ERMP1: variants seen among roughly 807,000 people sequenced by gnomAD.
ERMP1 encodes the protein Felix-ina.
ERMP1 carries 86 observed loss-of-function variants against 92.0 expected under a neutral mutation model. The ratio of observed to expected loss-of-function variants is 0.93; its 90% confidence interval spans 0.79 to 1.12. The LOEUF (loss-of-function observed/expected upper bound fraction) is 1.12, where lower values mean the gene tolerates loss of function less well. Ranked by LOEUF, ERMP1 falls within the 50% of genes most tolerant of loss-of-function variation. The pLI, the probability that ERMP1 is intolerant of heterozygous loss-of-function variation, is 0.00. For synonymous variants in ERMP1, 530 were observed against 412.8 expected, an observed-to-expected ratio of 1.28 and a Z score of -3.44; for missense variants, 1,342 against 1,116.3, an observed-to-expected ratio of 1.20 and a Z score of -2.88.
At chr9:5,822,011 T>C (rs1250729772) in intron 4 of ERMP1, among the ~76,000 whole-genome samples, 1 of 152,152 alleles carries the variant, frequency 6.6e-6, no homozygotes, top group East Asian at 1.9e-4. Flanking sequence ...CCCAGCTCTT[T>C]GGGAGGCTGA....
chr9:5,847,603 A>G (rs565626802), intron 6 of ERMP1, among the ~76,000 whole-genome samples: 14 of 152,174 alleles, frequency 9.2e-5, no homozygotes, highest in African/African-American at 2.2e-4. Flanking sequence ...TGTACAAAAC[A>G]AAACAAAATC....
At chr9:5,827,110 T>G (rs1829756860) in intron 2 of ERMP1, among the ~76,000 whole-genome samples, 1 of 152,162 alleles carries the variant, frequency 6.6e-6, no homozygotes, top group African/African-American at 2.4e-5. Context: ...AAGAAGATAA[T>G]TAAGGCTTTT....
chr9:5,854,211 G>A (rs1195522212), intron 6 of ERMP1, among the ~76,000 whole-genome samples: 2 of 151,972 alleles, frequency 1.3e-5, no homozygotes, highest in African/African-American at 4.8e-5. Context: ...CTGTATCTAG[G>A]TGCTAGAAAG....
chr9:5,812,047 C>T, intron 6 of ERMP1, 78 bp downstream of exon 6: 1 of 918,516 alleles, frequency 1.1e-6, no homozygotes, highest in Non-Finnish European at 1.7e-6. Context: ...GCACAGGCCA[C>T]AGAATATTTA....
intron 1 of ERMP1, among the ~76,000 whole-genome samples, chr9:5,832,150 A>G (rs1829965394): frequency 6.6e-6 from 1 of 151,946 alleles, no homozygotes; most frequent in Non-Finnish European, 1.5e-5. Context: ...GATAAACTGC[A>G]GGGATCTGAG....
chr9:5,786,226 A>G lies in ERMP1; in HGVS notation c.*918T>C, dbSNP rs1827930252. On this transcript the variant is annotated 3_prime_UTR_variant, in exon 15 of 15. Coordinates refer to ENST00000339450, the MANE Select transcript of ERMP1 (RefSeq NM_024896.3). The stretch of plus-strand genomic sequence containing the variant: ...TATAACACAAGACTCCTATGAAACA[A>G]AGAAAAGAGAATAAATATTTATAAA... The G allele has an allele frequency of 6.6e-6, 1 of 152,192 alleles. No individual in the cohort carries two copies. The highest frequency in any genetic ancestry group is 2.4e-5 in the African/African-American group (1 of 41,444). The allele number at this position is 152,192 out of a possible 1,614,324, so 9.4% of individuals were successfully genotyped here. A position where few individuals can be genotyped will look rare whatever the true frequency, so the allele number is the denominator to read the frequency against.
chr9:5,787,640 CA>C, intron 13 of ERMP1, 47 bp from the exon 14 acceptor site: 7 of 1,561,124 alleles, frequency 4.5e-6, no homozygotes, highest in East Asian at 2.2e-5. Context: ...TTAAAAGGAT[CA>C]AAAAAATAAC....
rs1241900355 is a variant in ERMP1, at chr9:5,787,163, T to TAGG, written c.2693_2695dup (p.Thr898_Tyr899insSer). On this transcript the variant is annotated inframe_insertion, in exon 15 of 15. Transcript: ENST00000339450. ...ACAAGATTAAAATACAAAGAGATCG[T>TAGG]AGGTGCACACCCAGGCAGAGGGAAA... 6.2e-7 allele frequency: 1 copy of TAGG among 1,613,752 alleles called. No homozygotes were observed. The highest frequency in any genetic ancestry group is 1.7e-4 in the Middle Eastern group (1 of 6,030).
chr9:5,838,801 A>G (rs1830123720), intron 6 of ERMP1, among the ~76,000 whole-genome samples: 1 of 152,060 alleles, frequency 6.6e-6, no homozygotes, highest in South Asian at 2.1e-4. Flanking sequence ...TATTAAGAGA[A>G]ACAAAAAAAA....
chr9:5,839,486 T>C (rs1329229441), intron 6 of ERMP1, among the ~76,000 whole-genome samples: 1 of 152,086 alleles, frequency 6.6e-6, no homozygotes, highest in Non-Finnish European at 1.5e-5. Flanking sequence ...ACTCAGCAGT[T>C]TGGGAATGAG....
intron 4 of ERMP1, among the ~76,000 whole-genome samples, chr9:5,823,493 G>T (rs1829619064): frequency 6.6e-6 from 1 of 152,188 alleles, no homozygotes; most frequent in African/African-American, 2.4e-5. Context: ...CCAATTAGAG[G>T]TTAAGAACAA....
chr9:5,807,658 A>G (rs1334286380), intron 8 of ERMP1, among the ~76,000 whole-genome samples: 3 of 152,132 alleles, frequency 2.0e-5, no homozygotes, highest in Non-Finnish European at 2.9e-5. Flanking sequence ...AGGCACAAGA[A>G]CAGCTAGAAC....
At position 5,794,298 on chromosome 9, in the gene ERMP1, A is replaced by G. The variant is rs913129889; in HGVS notation, c.2386+3519T>C. Reference sequence around the variant, plus strand: ...GGCATGGAACATAAGCAGTGCTTAGAAGGAAACTTATAGCAATGAATGCAT... The same window carrying G: ...GGCATGGAACATAAGCAGTGCTTAGGAGGAAACTTATAGCAATGAATGCAT... On this transcript the variant is annotated intron_variant, in intron 13 of 14. Coordinates refer to ENST00000339450, the MANE Select transcript of ERMP1 (RefSeq NM_024896.3). Among the ~76,000 whole-genome samples the G allele has an allele frequency of 7.9e-5, 12 of 152,268 alleles. No homozygotes were observed. The East Asian group carries it at 2.3e-3, about 29-fold the overall frequency.
chr9:5,842,849 G>T (rs1830182573), intron 6 of ERMP1, among the ~76,000 whole-genome samples: 1 of 152,228 alleles, frequency 6.6e-6, no homozygotes, highest in African/African-American at 2.4e-5. Context: ...CTGTAGCAGA[G>T]ATGCTGATTC....
chr9:5,853,884 G>C (rs1036864418), intron 6 of ERMP1, among the ~76,000 whole-genome samples: 1 of 151,220 alleles, frequency 6.6e-6, no homozygotes, highest in African/African-American at 2.4e-5. Flanking sequence ...CACTGCTCTA[G>C]GGTGGTGAGA....
chr9:5,844,965 G>A (rs1423404900), intron 6 of ERMP1, among the ~76,000 whole-genome samples: 1 of 152,072 alleles, frequency 6.6e-6, no homozygotes, highest in African/African-American at 2.4e-5. Context: ...GATGTGTCCT[G>A]GCCCCTCTGG....
At chr9:5,794,843 A>T (rs941252907) in intron 13 of ERMP1, among the ~76,000 whole-genome samples, 2 of 152,178 alleles carry the variant, frequency 1.3e-5, no homozygotes, top group African/African-American at 4.8e-5. Context: ...AATTATACTA[A>T]TTCTCTACAA....
chr9:5,860,408 C>T (rs181083765), intron 5 of ERMP1, among the ~76,000 whole-genome samples: 110 of 152,208 alleles, frequency 7.2e-4, no homozygotes, highest in Admixed American at 1.5e-3. Flanking sequence ...GAGCTCTGTT[C>T]CATTCATCTT....
chr9:5,818,072 G>C (rs1829388671), intron 4 of ERMP1, among the ~76,000 whole-genome samples: 1 of 151,690 alleles, frequency 6.6e-6, no homozygotes, highest in South Asian at 2.1e-4. Flanking sequence ...ATATCAAGGT[G>C]GATCACTTGA....
Sources: gnomAD v4.1 joint callset for allele counts (sites outside exome capture counted in the v4.1 genomes callset) on GRCh38, gnomAD v4.1.1 for gene constraint, MANE v1.5 for transcripts, NCBI Gene and HGNC (gene_info 2026-07-23, HGNC 2026-07-21) for gene names.